The following TBC1D5 variants were observed in gnomAD, a reference collection of about 807,000 sequenced individuals.
TBC1D5 encodes TBC1 domain family member 5, also known as TBC1 domain family, member 5.
TBC1D5 carries 75 observed loss-of-function variants against 100.3 expected under a neutral mutation model. That is an observed-to-expected ratio of 0.75 (90% CI 0.62 to 0.91). The LOEUF is 0.91. TBC1D5 is among the 40% of genes least tolerant of loss of function. TBC1D5 has a pLI of 0.00. For missense variants in TBC1D5, 910 were observed against 942.4 expected (o/e 0.97, Z 0.45); for synonymous variants, 323 against 325.6 (o/e 0.99, Z 0.09).
rs189328782 is a variant in TBC1D5 at position 17,203,949 on chromosome 3, G to A, written c.1752+10258C>T. ...AGCTATGAGGAACAACCAAAAGGGA[G>A]TTCCTTAGCCCTAAGTTTTCAGGGG... On this transcript the variant is annotated intron_variant, in intron 18 of 21. Coordinates refer to ENST00000253692, the Ensembl canonical transcript of TBC1D5. Among the ~76,000 whole-genome samples the A allele has an allele frequency of 8.7e-4, 133 of 152,322 alleles. 1 individual carries two copies. The highest frequency in any genetic ancestry group is 8.2e-3 in the Admixed American group (125 of 15,300).
Position 17,206,603 on chromosome 3 carries a change from C to T in TBC1D5, c.1752+7604G>A, listed in dbSNP as rs564694385. On this transcript the variant is annotated intron_variant, in intron 18 of 21. Coordinates refer to ENST00000253692, the Ensembl canonical transcript of TBC1D5. ...CGTTCAAACTACCAAAGGGCAATGA[C>T]GAATGCACACAGGGGTCACAGGGGT... 9.9e-4 allele frequency among the ~76,000 whole-genome samples: 151 copies of T among 152,232 alleles called. 1 individual carries two copies. Among genetic ancestry groups the T allele is most frequent in the African/African-American group, 3.5e-3 (144 of 41,538 alleles).
chr3:17,566,464 C>G (rs9847461), intron 2 of TBC1D5, among the ~76,000 whole-genome samples: 60,527 of 151,700 alleles, frequency 0.4, 12,765 homozygotes, highest in Middle Eastern at 0.48. Flanking sequence ...CAGGGATCCC[C>G]GTCTGGAGCA....
At chr3:17,286,891 T>TC (rs2081243355) in intron 15 of TBC1D5, among the ~76,000 whole-genome samples, 1 of 152,218 alleles carries the variant, frequency 6.6e-6, no homozygotes, top group South Asian at 2.1e-4. Flanking sequence ...TCTCACTTTT[T>TC]CATCTATGAA....
chr3:17,222,957 T>G (rs2074449234), intron 17 of TBC1D5, among the ~76,000 whole-genome samples: 1 of 152,232 alleles, frequency 6.6e-6, no homozygotes, highest in East Asian at 1.9e-4. Flanking sequence ...TAACTTTTTT[T>G]CATTTTCTTC....
chr3:17,210,961 G>A (rs896510516), intron 18 of TBC1D5, among the ~76,000 whole-genome samples: 10 of 151,622 alleles, frequency 6.6e-5, no homozygotes, highest in African/African-American at 2.2e-4. Context: ...GTATACATTC[G>A]AAAAGGTATC....
At chr3:17,326,505 C>T (rs909701559) in intron 13 of TBC1D5, among the ~76,000 whole-genome samples, 11 of 152,180 alleles carry the variant, frequency 7.2e-5, no homozygotes, top group African/African-American at 2.7e-4. Context: ...CCAGGTCTCA[C>T]TCTGTTGCCC....
intron 1 of TBC1D5, among the ~76,000 whole-genome samples, chr3:17,646,108 G>A (rs1389194385): frequency 6.6e-6 from 1 of 151,814 alleles, no homozygotes; most frequent in Admixed American, 6.6e-5. Flanking sequence ...TATGACTGAT[G>A]TCTTTATAAG....
At position 17,725,064 on chromosome 3, in the gene TBC1D5, C is replaced by A. The variant is rs376357805; in HGVS notation, c.-101+14279G>T. Among the ~76,000 whole-genome samples, 15 of 152,238 alleles carry A rather than the reference C, an allele frequency of 9.9e-5. No homozygotes were observed. In the East Asian group the frequency reaches 1.2e-3, roughly 12 times the overall value. On this transcript the variant is annotated intron_variant, in intron 1 of 21. Coordinates refer to ENST00000253692, the Ensembl canonical transcript of TBC1D5. Reference sequence around the variant, plus strand: ...TCAATAAATACAGTTGTTTTATAATCTCTGTCTGATATTTCCAATATCCAA... The same window carrying A: ...TCAATAAATACAGTTGTTTTATAATATCTGTCTGATATTTCCAATATCCAA...
intron 16 of TBC1D5, among the ~76,000 whole-genome samples, chr3:17,253,862 C>T (rs550267959): frequency 1.7e-4 from 26 of 152,246 alleles, no homozygotes; most frequent in African/African-American, 5.8e-4. Flanking sequence ...GGTGCACTTA[C>T]GTGCGGATTT....
intron 13 of TBC1D5, among the ~76,000 whole-genome samples, chr3:17,364,549 A>T (rs544300536): frequency 7.6e-4 from 115 of 152,058 alleles, no homozygotes; most frequent in Non-Finnish European, 1.4e-3. Context: ...TCTTGATATT[A>T]CAGTTGCTGT....
intron 13 of TBC1D5, among the ~76,000 whole-genome samples, chr3:17,309,903 T>C (rs1489101588): frequency 1.3e-5 from 2 of 152,126 alleles, no homozygotes; most frequent in South Asian, 2.1e-4. Flanking sequence ...ACATGTAGAA[T>C]GTGGTTACAG....
chr3:17,727,366 G>A (rs2076213741), intron 1 of TBC1D5, among the ~76,000 whole-genome samples: 2 of 152,182 alleles, frequency 1.3e-5, no homozygotes, highest in African/African-American at 4.8e-5. Flanking sequence ...GGGTGACAGA[G>A]TGAGACTCGG....
At chr3:17,178,344 C>T (rs141337873) in intron 19 of TBC1D5, among the ~76,000 whole-genome samples, 148 of 152,078 alleles carry the variant, frequency 9.7e-4, no homozygotes, top group African/African-American at 3.3e-3. Context: ...GGATTACAGG[C>T]GTGAGCCACT....
chr3:17,221,701 T>A (rs960056007), intron 17 of TBC1D5, among the ~76,000 whole-genome samples: 1 of 152,152 alleles, frequency 6.6e-6, no homozygotes, highest in Non-Finnish European at 1.5e-5. Context: ...CTTGGTCCTA[T>A]AGGTAAAAGG....
At chr3:17,159,975 C>CTT (rs2065897412) in exon 22 of TBC1D5, 1 of 152,210 alleles carries the variant, frequency 6.6e-6, no homozygotes, top group Non-Finnish European at 1.5e-5. Flanking sequence ...TGGGAATGAA[C>CTT]TTGGGTTTTT....
intron 18 of TBC1D5, among the ~76,000 whole-genome samples, chr3:17,190,654 C>A (rs2069761295): frequency 2.6e-5 from 4 of 152,194 alleles, no homozygotes; most frequent in South Asian, 2.1e-4. Flanking sequence ...CTGCCCCCAA[C>A]ACACACCATG....
At chr3:17,566,732 T>C (rs979580227) in intron 2 of TBC1D5, among the ~76,000 whole-genome samples, 1 of 151,822 alleles carries the variant, frequency 6.6e-6, no homozygotes, top group Admixed American at 6.6e-5. Context: ...TATACATAAA[T>C]AAAATTTATT....
At chr3:17,255,849 T>C (rs562576107) in intron 16 of TBC1D5, among the ~76,000 whole-genome samples, 74 of 152,146 alleles carry the variant, frequency 4.9e-4, no homozygotes, top group Admixed American at 1.6e-3. Context: ...CCATCTTGGC[T>C]AACACGGTGA....
intron 2 of TBC1D5, among the ~76,000 whole-genome samples, chr3:17,517,541 T>A (rs2096006838): frequency 6.6e-6 from 1 of 152,212 alleles, no homozygotes; most frequent in African/African-American, 2.4e-5. Flanking sequence ...TGATTATGAT[T>A]AATCAAATTA....
Sources: allele counts gnomAD v4.1 joint callset (sites outside exome capture counted in the v4.1 genomes callset), GRCh38; gene constraint gnomAD v4.1.1; transcripts MANE v1.5; gene names NCBI Gene and HGNC (gene_info 2026-07-23, HGNC 2026-07-21).